NAA11: variants seen among roughly 807,000 people sequenced by gnomAD.
NAA11 encodes the protein N-alpha-acetyltransferase 11.
A neutral mutation model predicts 16.1 loss-of-function variants in NAA11; 15 were observed. The ratio of observed to expected loss-of-function variants is 0.93; its 90% CI spans 0.62 to 1.44. The LOEUF (loss-of-function observed/expected upper bound fraction) is 1.44, where lower values mean the gene tolerates loss of function less well. NAA11 is among the 40% of genes most tolerant of loss of function. NAA11 has a pLI of 0.00. For missense variants in NAA11, 298 were observed against 291.3 expected, an observed-to-expected ratio of 1.02 and a Z score of -0.17; for synonymous variants, 122 against 112.4, an observed-to-expected ratio of 1.09 and a Z score of -0.54.
downstream of NAA11, among the ~76,000 whole-genome samples, chr4:79,223,569 G>A (rs560792661): frequency 5.6e-3 from 836 of 149,704 alleles, 9 homozygotes; most frequent in African/African-American, 0.019. Context: ...TGGGTTCAGC[G>A]CACCAGCATG....
intron 2 of NAA11, chr4:79,244,638 C>CTCCCGTCTCCCGTCT (rs1553891270): frequency 2.3e-5 from 1 of 44,336 alleles, no homozygotes; most frequent in African/African-American, 5.7e-5. Context: ...CCCTCCCCCT[C>CTCCCGTCTCCCGTCT]CCCGTCTCCG....
chr4:79,207,390 G>GAAAA, the NAA11 span, among the ~76,000 whole-genome samples: 1 of 97,332 alleles, frequency 1.0e-5, no homozygotes, highest in Non-Finnish European at 2.4e-5. Flanking sequence ...AAAAAAAAAG[G>GAAAA]AGAGTTCTAA....
chr4:79,309,714 C>G (rs199683053), intron 1 of NAA11, among the ~76,000 whole-genome samples: 4 of 81,418 alleles, frequency 4.9e-5, no homozygotes, highest in South Asian at 1.0e-3. Flanking sequence ...TTTTTTTTTT[C>G]TTTTTTTTTT....
chr4:79,179,297 A>G, the NAA11 span, among the ~76,000 whole-genome samples: 3 of 152,168 alleles, frequency 2.0e-5, no homozygotes, highest in Non-Finnish European at 4.4e-5. Context: ...AAATTCTACA[A>G]TTTGACCTCG....
At chr4:79,290,245 G>A (rs7696466) in intron 2 of NAA11, among the ~76,000 whole-genome samples, 65,921 of 151,820 alleles carry the variant, frequency 0.43, 14,774 homozygotes, top group Middle Eastern at 0.53. Flanking sequence ...GGGTTAGGAT[G>A]GGGAGATGGG....
rs543295282 is a variant in NAA11 at position 79,237,484 on chromosome 4, G to C, written c.*123-11214C>G. ...TTTTTAAATTCTATTTTTATAAAAA[G>C]CTTTATTGAAGTATAATACACACCA... On this transcript the variant is annotated intron_variant and NMD_transcript_variant, in intron 2 of 2. Coordinates refer to the NAA11 transcript ENST00000511542. Among the ~76,000 whole-genome samples the C allele has an allele frequency of 2.0e-5, 3 of 152,176 alleles. No homozygotes were observed. In the East Asian group the frequency reaches 5.8e-4, roughly 29 times the overall value.
intron 2 of NAA11, among the ~76,000 whole-genome samples, chr4:79,237,542 C>T (rs935443657): frequency 3.9e-5 from 6 of 152,252 alleles, no homozygotes; most frequent in East Asian, 3.9e-4. Flanking sequence ...TAGAATTCAA[C>T]GATTCAAACA....
At chr4:79,156,700 G>A in the NAA11 span, among the ~76,000 whole-genome samples, 1 of 152,182 alleles carries the variant, frequency 6.6e-6, no homozygotes, top group Non-Finnish European at 1.5e-5. Flanking sequence ...TGGGCACTGT[G>A]GACCAGACAG....
chr4:79,162,978 C>A, the NAA11 span, among the ~76,000 whole-genome samples: 2 of 152,142 alleles, frequency 1.3e-5, no homozygotes, highest in African/African-American at 4.8e-5. Flanking sequence ...TACCATCATC[C>A]CATCTTACAG....
chr4:79,184,057 G>A, the NAA11 span, among the ~76,000 whole-genome samples: 1 of 152,068 alleles, frequency 6.6e-6, no homozygotes, highest in Non-Finnish European at 1.5e-5. Context: ...CACAGAGATG[G>A]CTTCTGTTTT....
At chr4:79,266,254 G>A (rs1007104584) in intron 2 of NAA11, among the ~76,000 whole-genome samples, 19 of 152,290 alleles carry the variant, frequency 1.2e-4, no homozygotes, top group Middle Eastern at 6.8e-3. Context: ...TAAATCCCCC[G>A]TGATGGAGGC....
chr4:79,229,351 C>T (rs1339420208), intron 2 of NAA11, among the ~76,000 whole-genome samples: 3 of 151,368 alleles, frequency 2.0e-5, no homozygotes. Flanking sequence ...GCTCTTTTGT[C>T]AAAAATAAAT....
At chr4:79,155,528 G>C in the NAA11 span, among the ~76,000 whole-genome samples, 1 of 152,186 alleles carries the variant, frequency 6.6e-6, no homozygotes, top group Non-Finnish European at 1.5e-5. Context: ...TAGAAAGGGA[G>C]AGCGTGGATA....
At chr4:79,275,134 T>C (rs905811399) in intron 2 of NAA11, among the ~76,000 whole-genome samples, 2 of 150,616 alleles carry the variant, frequency 1.3e-5, no homozygotes, top group Non-Finnish European at 3.0e-5. Context: ...TTATTTTCTC[T>C]ACACAAGGAG....
At chr4:79,274,956 G>A (rs1578174254) in intron 2 of NAA11, among the ~76,000 whole-genome samples, 1 of 151,974 alleles carries the variant, frequency 6.6e-6, no homozygotes, top group East Asian at 1.9e-4. Context: ...TTATGTGCTA[G>A]TTTCCCAAAG....
At chr4:79,212,374 G>A in the NAA11 span, among the ~76,000 whole-genome samples, 1 of 151,904 alleles carries the variant, frequency 6.6e-6, no homozygotes, top group Non-Finnish European at 1.5e-5. Flanking sequence ...ATCAGTTGTC[G>A]GCTTGAATTA....
Position 79,325,632 on chromosome 4 carries a change from C to G in NAA11, c.246G>C (p.Arg82=). 1 of 1,614,106 alleles carries G rather than the reference C, an allele frequency of 6.2e-7. No homozygotes were observed. The highest frequency in any genetic ancestry group is 1.1e-5 in the South Asian group (1 of 91,082). The change falls in exon 1 of 2, where the codon CGG becomes CGC. Residue 82 remains arginine, a synonymous_variant. Coordinates refer to ENST00000286794, the MANE Select transcript of NAA11 (RefSeq NM_032693.3). ...TCAGCTTCTGGGCCAGGCCGAGGCG[C>G]CGGTGTGAACGCTTCACGGCCAGTG... is the stretch of plus-strand genomic sequence containing the variant. ...ITSLAVKRSH[R]RLGLAQKLMD... is the part of the protein sequence containing the mutation.
At chr4:79,245,386 C>T (rs1295669885) in intron 2 of NAA11, 1 of 156,274 alleles carries the variant, frequency 6.4e-6, no homozygotes, top group Non-Finnish European at 1.4e-5. Flanking sequence ...GCATCTCTAC[C>T]CAGCCACCAC....
intron 2 of NAA11, among the ~76,000 whole-genome samples, chr4:79,264,056 CA>C (rs1328976581): frequency 6.6e-6 from 1 of 152,074 alleles, no homozygotes; most frequent in African/African-American, 2.4e-5. Context: ...CTTGCCCTCC[CA>C]ATATTTAACT....
Sources: allele counts gnomAD v4.1 joint callset (sites outside exome capture counted in the v4.1 genomes callset), GRCh38; gene constraint gnomAD v4.1.1; transcripts MANE v1.5; gene names NCBI Gene and HGNC (gene_info 2026-07-23, HGNC 2026-07-21).